Variants in CPED1 observed in about 807,000 individuals in gnomAD.
CPED1 encodes the protein cadherin-like and PC-esterase domain-containing protein 1.
A neutral mutation model predicts 128.2 loss-of-function variants in CPED1; 114 were observed. The observed-to-expected ratio is 0.89, with a 90% CI of 0.76 to 1.04. CPED1 has a LOEUF of 1.04. Among genes scored for constraint, CPED1 ranks in the 50% least tolerant of loss-of-function variants. The probability of loss-of-function intolerance (pLI) is 0.00; values close to 1 mark genes in which losing one functional copy is unlikely to be tolerated. For missense variants in CPED1, 1,211 were observed against 1,207.1 expected (o/e 1.00, Z -0.05); for synonymous variants, 462 against 426.7 (o/e 1.08, Z -1.02).
At chr7:121,182,262 C>A (rs1796913990) in intron 16 of CPED1, among the ~76,000 whole-genome samples, 1 of 139,154 alleles carries the variant, frequency 7.2e-6, no homozygotes, top group African/African-American at 2.7e-5. Context: ...ATATAAAATT[C>A]ATAGAAATTG....
chr7:121,001,496 A>G (rs1791858368), intron 2 of CPED1, among the ~76,000 whole-genome samples: 1 of 152,120 alleles, frequency 6.6e-6, no homozygotes, highest in African/African-American at 2.4e-5. Context: ...GCCTGATGGT[A>G]ATGTGTAACT....
chr7:121,005,812 A>G (rs143542495), intron 2 of CPED1, among the ~76,000 whole-genome samples: 1 of 152,268 alleles, frequency 6.6e-6, no homozygotes, highest in African/African-American at 2.4e-5. Flanking sequence ...GTGGGACTCC[A>G]TATTTTGGAA....
At chr7:121,047,654 T>TC (rs1793234491) in intron 4 of CPED1, among the ~76,000 whole-genome samples, 1 of 4,874 alleles carries the variant, frequency 2.1e-4, no homozygotes, top group African/African-American at 5.0e-4. Flanking sequence ...CCTTTCTTCT[T>TC]CTTCTTCTTC....
intron 22 of CPED1, among the ~76,000 whole-genome samples, chr7:121,274,255 A>G (rs1309210593): frequency 6.6e-6 from 1 of 152,182 alleles, no homozygotes; most frequent in African/African-American, 2.4e-5. Flanking sequence ...TTCAGAAACC[A>G]CAAAAAAGGC....
intron 5 of CPED1, among the ~76,000 whole-genome samples, chr7:121,085,778 T>C (rs566436204): frequency 2.6e-5 from 4 of 152,330 alleles, no homozygotes; most frequent in African/African-American, 9.6e-5. Flanking sequence ...TCATCTCTCA[T>C]TGACGATAGG....
intron 16 of CPED1, among the ~76,000 whole-genome samples, chr7:121,224,802 T>C (rs1797962723): frequency 1.4e-5 from 2 of 145,862 alleles, no homozygotes; most frequent in African/African-American, 2.5e-5. Context: ...TTTTTTTTTT[T>C]TTTTTTTGCT....
At chr7:120,990,519 A>G (rs1295496540) in intron 2 of CPED1, among the ~76,000 whole-genome samples, 1 of 149,234 alleles carries the variant, frequency 6.7e-6, no homozygotes, top group Admixed American at 6.6e-5. Flanking sequence ...TCAAATATTG[A>G]AAAAAAACAC....
chr7:121,185,902 T>A (rs572135623), intron 16 of CPED1, among the ~76,000 whole-genome samples: 70 of 152,328 alleles, frequency 4.6e-4, no homozygotes, highest in African/African-American at 1.6e-3. Context: ...TGGGAAGATT[T>A]CAGTGGTCAG....
At chr7:121,114,368 G>A (rs1795184927) in intron 7 of CPED1, among the ~76,000 whole-genome samples, 1 of 152,132 alleles carries the variant, frequency 6.6e-6, no homozygotes, top group African/African-American at 2.4e-5. Context: ...CAATGCCTGA[G>A]GCAAGGATGC....
At chr7:121,234,720 C>T (rs1462635538) in intron 16 of CPED1, among the ~76,000 whole-genome samples, 1 of 151,424 alleles carries the variant, frequency 6.6e-6, no homozygotes, top group Admixed American at 6.6e-5. Flanking sequence ...GGAACACTAC[C>T]GTCATCCAGA....
chr7:121,189,367 AT>A (rs1372716626), intron 16 of CPED1, among the ~76,000 whole-genome samples: 1 of 152,142 alleles, frequency 6.6e-6, no homozygotes, highest in African/African-American at 2.4e-5. Flanking sequence ...AGTTACAATC[AT>A]GGCAGAAGGA....
intron 5 of CPED1, among the ~76,000 whole-genome samples, chr7:121,069,180 TTAAAGA>T (rs1793929588): frequency 6.6e-6 from 1 of 152,088 alleles, no homozygotes; most frequent in Admixed American, 6.6e-5. Context: ...TGCAGAAATA[TTAAAGA>T]TAGATAGAGC....
At chr7:121,045,927 A>G (rs146516224) in intron 3 of CPED1, among the ~76,000 whole-genome samples, 1,666 of 152,196 alleles carry the variant, frequency 0.011, 19 homozygotes, top group Middle Eastern at 0.048. Flanking sequence ...TTTTTTCTCC[A>G]TGAGGTAATG....
intron 18 of CPED1, among the ~76,000 whole-genome samples, chr7:121,255,431 A>G (rs1007716588): frequency 6.6e-6 from 1 of 152,144 alleles, no homozygotes; most frequent in Non-Finnish European, 1.5e-5. Flanking sequence ...AATAAGAGCC[A>G]TCTATGACAA....
intron 5 of CPED1, among the ~76,000 whole-genome samples, chr7:121,094,313 ATTAT>A (rs1197806721): frequency 6.6e-6 from 1 of 152,156 alleles, no homozygotes; most frequent in Admixed American, 6.6e-5. Flanking sequence ...TTCCCTATTA[ATTAT>A]TAGTTGTAAG....
chr7:121,295,296 G>T, intron 22 of CPED1, 144 bp from the exon 23 acceptor site: 1 of 991,584 alleles, frequency 1.0e-6, no homozygotes. Flanking sequence ...ATAAGTTATA[G>T]CCATTCCTGG....
chr7:121,210,985 TAAAGAA>T (rs1260097520), intron 16 of CPED1, among the ~76,000 whole-genome samples: 1 of 149,476 alleles, frequency 6.7e-6, no homozygotes, highest in Non-Finnish European at 1.5e-5. Flanking sequence ...AAACACATAA[TAAAGAA>T]AAAGTTAGTT....
At chr7:121,073,736 C>CCTCTGGTGT (rs1794049848) in intron 5 of CPED1, among the ~76,000 whole-genome samples, 1 of 151,692 alleles carries the variant, frequency 6.6e-6, no homozygotes, top group Non-Finnish European at 1.5e-5. Context: ...TTTGTTAATT[C>CCTCTGGTGT]CTCTGGTGTG....
At chr7:121,147,864 A>C (rs1210033439) in intron 16 of CPED1, among the ~76,000 whole-genome samples, 3 of 152,160 alleles carry the variant, frequency 2.0e-5, no homozygotes, top group Non-Finnish European at 1.5e-5. Flanking sequence ...ACTTATTTTT[A>C]AAAAATCAAT....
Sources: gnomAD v4.1 joint callset for allele counts (sites outside exome capture counted in the v4.1 genomes callset) on GRCh38, gnomAD v4.1.1 for gene constraint, MANE v1.5 for transcripts, NCBI Gene and HGNC (gene_info 2026-07-23, HGNC 2026-07-21) for gene names.